Variants in SENP7 observed in about 807,000 individuals in gnomAD.
SENP7 encodes the protein sentrin-specific protease 7.
In SENP7, 64 loss-of-function variants were observed where a neutral mutation model predicts 141.2. That is an observed-to-expected ratio of 0.45 (90% CI 0.37 to 0.56). The LOEUF is 0.56. SENP7 is among the 20% of genes least tolerant of loss of function. SENP7 has a pLI of 0.00. For synonymous variants in SENP7, 382 were observed against 426.4 expected (o/e 0.90, Z 1.28); for missense variants, 1,025 against 1,212.2 (o/e 0.85, Z 2.29).
chr3:101,424,188 G>A (rs2061878101), intron 4 of SENP7, among the ~76,000 whole-genome samples: 1 of 152,062 alleles, frequency 6.6e-6, no homozygotes, highest in Admixed American at 6.5e-5. Flanking sequence ...TGGGTGCCCT[G>A]GGGTCCTGTA....
intron 12 of SENP7, among the ~76,000 whole-genome samples, chr3:101,349,843 T>C (rs1014824218): frequency 6.6e-6 from 1 of 152,160 alleles, no homozygotes; most frequent in Non-Finnish European, 1.5e-5. Flanking sequence ...TACCCACTTA[T>C]CCATTTCTTC....
rs569423747 is a variant in SENP7, at chr3:101,416,345, CTGTTCTG to C, written c.482+1241_482+1247del. ...TATTCTGAGAGAATGGACTACCACA[CTGTTCTG>C]ATTGGAAAAAGGACAGATGTAGGAT... is the stretch of plus-strand genomic sequence containing the variant. On this transcript the variant is annotated intron_variant, in intron 5 of 23. Transcript: ENST00000394095. Among the ~76,000 whole-genome samples, 83 of 152,278 alleles carry C rather than the reference CTGTTCTG, an allele frequency of 5.5e-4. 1 individual carries two copies. In the East Asian group the frequency reaches 0.014, roughly 27 times the overall value.
chr3:101,420,877 G>A (rs62280719), intron 4 of SENP7, among the ~76,000 whole-genome samples: 20,962 of 152,104 alleles, frequency 0.14, 1,475 homozygotes, highest in South Asian at 0.18. Context: ...GGCAGAGCAG[G>A]TGGGAACTCT....
chr3:101,355,495 T>C (rs779247005), intron 11 of SENP7, among the ~76,000 whole-genome samples: 6 of 152,114 alleles, frequency 3.9e-5, no homozygotes, highest in Non-Finnish European at 8.8e-5. Context: ...TGTTTTTGTC[T>C]GCTTTGTCAA....
At position 101,479,353 on chromosome 3, in the gene SENP7, G is replaced by A. The variant is rs958203222; in HGVS notation, c.186+14520C>T. Among the ~76,000 whole-genome samples the A allele has an allele frequency of 6.6e-5, 10 of 152,208 alleles. No individual in the cohort carries two copies. In the East Asian group the frequency reaches 1.2e-3, roughly 18 times the overall value. ...ATCTCAGCTGGGTGCAGTGGCTCAC[G>A]CCTGCTGTTCCAGCACTTTGGGAGG... On this transcript the variant is annotated intron_variant, in intron 3 of 23. Coordinates refer to ENST00000394095, the MANE Select transcript of SENP7 (RefSeq NM_020654.5).
At chr3:101,349,000 G>A (rs933194604) in intron 12 of SENP7, among the ~76,000 whole-genome samples, 2 of 152,134 alleles carry the variant, frequency 1.3e-5, no homozygotes, top group African/African-American at 2.4e-5. Flanking sequence ...CTGAGCTTGT[G>A]ACATTAGTAT....
At chr3:101,399,904 G>A (rs994297867) in intron 5 of SENP7, among the ~76,000 whole-genome samples, 1 of 152,208 alleles carries the variant, frequency 6.6e-6, no homozygotes, top group Non-Finnish European at 1.5e-5. Context: ...GAGATTACAC[G>A]TGTGAGCCAC....
chr3:101,402,521 C>CT (rs1253498977), intron 5 of SENP7, among the ~76,000 whole-genome samples: 1 of 100,032 alleles, frequency 1.0e-5, no homozygotes, highest in African/African-American at 3.4e-5. Context: ...ACTTCAGAGG[C>CT]TGAGGCAGGA....
chr3:101,435,548 G>A (rs1300873892), intron 4 of SENP7, among the ~76,000 whole-genome samples: 1 of 151,816 alleles, frequency 6.6e-6, no homozygotes, highest in East Asian at 1.9e-4. Context: ...CAGACTCCAT[G>A]AAAAAACTAT....
At chr3:101,339,750 C>G (rs531131781) in intron 16 of SENP7, among the ~76,000 whole-genome samples, 2 of 151,992 alleles carry the variant, frequency 1.3e-5, no homozygotes, top group South Asian at 2.1e-4. Flanking sequence ...ACAGATATCT[C>G]AATAGAGCTG....
intron 17 of SENP7, among the ~76,000 whole-genome samples, chr3:101,333,857 C>G (rs1056719302): frequency 2.0e-5 from 3 of 152,026 alleles, no homozygotes; most frequent in African/African-American, 7.2e-5. Flanking sequence ...TGCAGCAGTC[C>G]CCAACCTTTT....
intron 23 of SENP7, 42 bp from the exon 24 acceptor site, chr3:101,326,122 A>G: frequency 6.9e-7 from 1 of 1,446,972 alleles, no homozygotes; most frequent in Non-Finnish European, 9.2e-7. Flanking sequence ...TTAGCAGCAT[A>G]ATTTCAAATT....
rs953169842 is a variant in SENP7, at chr3:101,446,608, A to G, written c.284+12347T>C. On this transcript the variant is annotated intron_variant, in intron 4 of 23. Coordinates refer to ENST00000394095, the MANE Select transcript of SENP7 (RefSeq NM_020654.5). ...GGAATACAACCATAAATCAAGTAAC[A>G]AGTGGAACACCGGAAACTGTACAAA... Among the ~76,000 whole-genome samples, 5 of 152,342 alleles carry G rather than the reference A, an allele frequency of 3.3e-5. 1 individual carries two copies. The highest frequency in any genetic ancestry group is 6.5e-5 in the Admixed American group (1 of 15,308).
intron 3 of SENP7, among the ~76,000 whole-genome samples, chr3:101,481,121 AATCCC>A (rs2064458703): frequency 6.6e-6 from 1 of 151,918 alleles, no homozygotes; most frequent in African/African-American, 2.4e-5. Flanking sequence ...ATGATACAGT[AATCCC>A]ACTACTGGGT....
At chr3:101,452,529 G>A (rs1271961555) in intron 4 of SENP7, among the ~76,000 whole-genome samples, 2 of 152,078 alleles carry the variant, frequency 1.3e-5, no homozygotes, top group Admixed American at 1.3e-4. Flanking sequence ...ATAGACCAAC[G>A]GAACAGAACA....
chr3:101,474,077 GT>G (rs1485829878), intron 3 of SENP7, among the ~76,000 whole-genome samples: 1 of 151,462 alleles, frequency 6.6e-6, no homozygotes, highest in Non-Finnish European at 1.5e-5. Flanking sequence ...TCTCTATTCT[GT>G]TCCATTGGTC....
At chr3:101,497,423 G>T (rs1187854620) in intron 2 of SENP7, among the ~76,000 whole-genome samples, 2 of 152,104 alleles carry the variant, frequency 1.3e-5, no homozygotes, top group African/African-American at 4.8e-5. Context: ...AAGGCTCCCT[G>T]GGAAAGTGGT....
intron 4 of SENP7, among the ~76,000 whole-genome samples, chr3:101,424,440 G>A (rs965459567): frequency 1.3e-5 from 2 of 151,800 alleles, no homozygotes; most frequent in Non-Finnish European, 2.9e-5. Context: ...AGTCCACCCC[G>A]CTCCCACAAC....
At chr3:101,423,256 T>C (rs1020961388) in intron 4 of SENP7, among the ~76,000 whole-genome samples, 1 of 152,130 alleles carries the variant, frequency 6.6e-6, no homozygotes, top group Non-Finnish European at 1.5e-5. Flanking sequence ...ATTCAACAGA[T>C]ATCCTAGAGA....
Sources: allele counts gnomAD v4.1 joint callset (sites outside exome capture counted in the v4.1 genomes callset), GRCh38; gene constraint gnomAD v4.1.1; transcripts MANE v1.5; gene names NCBI Gene and HGNC (gene_info 2026-07-23, HGNC 2026-07-21).